Variants in SLC16A7 observed in about 807,000 individuals in gnomAD.
SLC16A7 encodes the protein solute carrier family 16 member 7.
SLC16A7 carries 33 observed loss-of-function variants against 34.9 expected under a neutral mutation model. The observed-to-expected ratio is 0.94, with a 90% CI of 0.72 to 1.26. The LOEUF is 1.26. Ranked by LOEUF, SLC16A7 falls within the 50% of genes most tolerant of loss-of-function variation. SLC16A7 has a pLI of 0.00. For missense variants in SLC16A7, 573 were observed against 578.1 expected, an observed-to-expected ratio of 0.99 and a Z score of 0.09; for synonymous variants, 201 against 206.6, an observed-to-expected ratio of 0.97 and a Z score of 0.23.
rs1281640062 is a variant in SLC16A7, at chr12:59,788,798, C to T, written c.*9119C>T. ...AAGAACTGGCATTTTCATATGGATACATATTTTGCTTAAACTAAATAAAAT... is the reference window on the plus strand; with the variant it reads ...AAGAACTGGCATTTTCATATGGATATATATTTTGCTTAAACTAAATAAAAT... On this transcript the variant is annotated 3_prime_UTR_variant, in exon 6 of 6. Coordinates refer to ENST00000547379, the MANE Select transcript of SLC16A7 (RefSeq NM_001270623.2). 3 of 151,968 alleles carry T rather than the reference C, an allele frequency of 2.0e-5. No homozygotes were observed. In the East Asian group the frequency reaches 5.8e-4, roughly 29 times the overall value. 9.4% of individuals were successfully genotyped at this position (151,968 alleles called of 1,614,324 possible).
intron 2 of SLC16A7, among the ~76,000 whole-genome samples, chr12:59,679,653 C>T (rs995167880): frequency 2.2e-4 from 33 of 152,210 alleles, no homozygotes; most frequent in African/African-American, 7.9e-4. Context: ...TACATTTTGT[C>T]CTTTTATAGA....
intron 3 of SLC16A7, among the ~76,000 whole-genome samples, chr12:59,719,404 A>G (rs2137196026): frequency 6.6e-6 from 1 of 152,234 alleles, no homozygotes; most frequent in South Asian, 2.1e-4. Context: ...AGTGGGAAAT[A>G]AGACAGAAAA....
At chr12:59,736,392 T>TA (rs775587320) in intron 3 of SLC16A7, among the ~76,000 whole-genome samples, 10 of 152,176 alleles carry the variant, frequency 6.6e-5, no homozygotes, top group Non-Finnish European at 1.0e-4. Flanking sequence ...AAAGTTTTTC[T>TA]AAAACTAATT....
chr12:59,627,958 A>G (rs1463460016), intron 1 of SLC16A7, among the ~76,000 whole-genome samples: 1 of 151,314 alleles, frequency 6.6e-6, no homozygotes, highest in Non-Finnish European at 1.5e-5. Flanking sequence ...TATCCACCCA[A>G]TCTTCCATGT....
At chr12:59,673,089 C>T (rs1267950214) in intron 2 of SLC16A7, among the ~76,000 whole-genome samples, 1 of 152,100 alleles carries the variant, frequency 6.6e-6, no homozygotes, top group African/African-American at 2.4e-5. Flanking sequence ...GTCTCATTTC[C>T]ATCGCCTCTA....
At chr12:59,755,074 C>T (rs1309614532) in intron 3 of SLC16A7, among the ~76,000 whole-genome samples, 1 of 152,184 alleles carries the variant, frequency 6.6e-6, no homozygotes, top group African/African-American at 2.4e-5. Flanking sequence ...ATGCTAAAAA[C>T]TCTCAATAAA....
At chr12:59,708,985 C>T (rs1215126661) in intron 3 of SLC16A7, among the ~76,000 whole-genome samples, 2 of 151,380 alleles carry the variant, frequency 1.3e-5, no homozygotes, top group Non-Finnish European at 2.9e-5. Context: ...GTGTGGTCAC[C>T]CCATTAATAA....
At chr12:59,738,308 A>G (rs1232171013) in intron 3 of SLC16A7, among the ~76,000 whole-genome samples, 1 of 152,206 alleles carries the variant, frequency 6.6e-6, no homozygotes, top group Non-Finnish European at 1.5e-5. Context: ...AAGATTTCCA[A>G]GATAGAATAC....
At chr12:59,734,937 C>T (rs1248903571) in intron 3 of SLC16A7, among the ~76,000 whole-genome samples, 1 of 152,190 alleles carries the variant, frequency 6.6e-6, no homozygotes, top group African/African-American at 2.4e-5. Context: ...TCTTAACATT[C>T]AGCTTGACAT....
rs1403743674 is a variant in SLC16A7 at position 59,678,243 on chromosome 12, T to C, written c.-31+22993T>C. On this transcript the variant is annotated intron_variant, in intron 2 of 5. Transcript: ENST00000547379. ...AGGAAGGGGTGTGTTTTAGCCCTGT[T>C]TGTGTTACAGTTCTTTTAGCCCCAC... Among the ~76,000 whole-genome samples the C allele has an allele frequency of 3.3e-5, 5 of 152,338 alleles. No homozygotes were observed. The East Asian group carries it at 9.7e-4, about 29-fold the overall frequency.
intron 2 of SLC16A7, among the ~76,000 whole-genome samples, chr12:59,686,734 CTT>C (rs1006581874): frequency 2.0e-5 from 3 of 152,098 alleles, no homozygotes; most frequent in African/African-American, 7.2e-5. Context: ...CCATTGATCT[CTT>C]TTCCCTGCTA....
At chr12:59,639,115 A>G (rs1687146044) in intron 1 of SLC16A7, among the ~76,000 whole-genome samples, 1 of 152,134 alleles carries the variant, frequency 6.6e-6, no homozygotes, top group African/African-American at 2.4e-5. Context: ...AATTGTTACC[A>G]TCATTCTTTG....
Position 59,598,536 on chromosome 12 carries a change from G to T in SLC16A7, c.-130+2300G>T, listed in dbSNP as rs1479801817. Among the ~76,000 whole-genome samples, 4 of 152,190 alleles carry T rather than the reference G, an allele frequency of 2.6e-5. No homozygotes were observed. The East Asian group carries it at 7.7e-4, about 29-fold the overall frequency. On this transcript the variant is annotated intron_variant, in intron 1 of 5. Transcript: ENST00000547379. ...GAAGAAACATATATCCAAGTAACTT[G>T]AAAGGAACTCCACAGTTGTAAGAAA... is the stretch of plus-strand genomic sequence containing the variant.
At chr12:59,666,264 C>T (rs528661234) in intron 2 of SLC16A7, among the ~76,000 whole-genome samples, 7 of 152,064 alleles carry the variant, frequency 4.6e-5, no homozygotes, top group Non-Finnish European at 7.4e-5. Context: ...TAATTCATTT[C>T]GATTTTGAAG....
intron 2 of SLC16A7, among the ~76,000 whole-genome samples, chr12:59,661,535 C>G (rs1394977072): frequency 1.3e-5 from 2 of 152,086 alleles, no homozygotes; most frequent in Non-Finnish European, 1.5e-5. Flanking sequence ...AGCACTCTCT[C>G]TCTGAACATG....
chr12:59,773,226 C>T (rs1393560108), intron 4 of SLC16A7, among the ~76,000 whole-genome samples: 1 of 152,024 alleles, frequency 6.6e-6, no homozygotes, highest in Admixed American at 6.6e-5. Flanking sequence ...GATTTAATTA[C>T]ACTCATTCTG....
chr12:59,641,069 T>C (rs1419728954), intron 1 of SLC16A7, among the ~76,000 whole-genome samples: 2 of 152,090 alleles, frequency 1.3e-5, no homozygotes, highest in Non-Finnish European at 2.9e-5. Flanking sequence ...TGTTTAAGCT[T>C]TATCTATAAA....
At chr12:59,689,688 T>G (rs980356294) in intron 2 of SLC16A7, among the ~76,000 whole-genome samples, 41 of 151,946 alleles carry the variant, frequency 2.7e-4, no homozygotes, top group African/African-American at 9.9e-4. Flanking sequence ...ATCCAGGAAT[T>G]TTTCTTTAAC....
intron 3 of SLC16A7, among the ~76,000 whole-genome samples, chr12:59,715,677 C>T (rs1403233573): frequency 6.6e-6 from 1 of 152,108 alleles, no homozygotes; most frequent in Non-Finnish European, 1.5e-5. Flanking sequence ...CACATAGCCA[C>T]CAGTGACTGC....
Sources: gnomAD v4.1 joint callset for allele counts (sites outside exome capture counted in the v4.1 genomes callset) on GRCh38, gnomAD v4.1.1 for gene constraint, MANE v1.5 for transcripts, NCBI Gene and HGNC (gene_info 2026-07-23, HGNC 2026-07-21) for gene names.